Variants in TTLL5 observed in about 807,000 individuals in gnomAD.
The protein encoded by TTLL5 is tubulin tyrosine ligase like 5.
TTLL5 carries 132 observed loss-of-function variants against 168.4 expected under a neutral mutation model. The ratio of observed to expected loss-of-function variants is 0.78; its 90% CI spans 0.68 to 0.91. The LOEUF (loss-of-function observed/expected upper bound fraction) is 0.91, where lower values mean the gene tolerates loss of function less well. TTLL5 is among the 40% of genes least tolerant of loss of function. The pLI is 0.00. For missense variants in TTLL5, 1,545 were observed against 1,581.5 expected (o/e 0.98, Z 0.39); for synonymous variants, 546 against 558.6 (o/e 0.98, Z 0.32).
intron 31 of TTLL5, among the ~76,000 whole-genome samples, chr14:75,917,552 G>C (rs1367482227): frequency 6.6e-6 from 1 of 152,168 alleles, no homozygotes; most frequent in East Asian, 1.9e-4. Flanking sequence ...GGCAGTAGGG[G>C]GGCATGTGTA....
At chr14:75,816,040 G>GTC (rs558310957) in intron 27 of TTLL5, among the ~76,000 whole-genome samples, 197 of 152,362 alleles carry the variant, frequency 1.3e-3, no homozygotes, top group African/African-American at 4.3e-3. Context: ...CCACTTACAG[G>GTC]TGTGTGACTG....
intron 31 of TTLL5, among the ~76,000 whole-genome samples, chr14:75,946,871 G>A (rs12587084): frequency 0.091 from 13,854 of 152,296 alleles, 709 homozygotes; most frequent in Middle Eastern, 0.22. Flanking sequence ...GGCAGATATG[G>A]ATGGAAGGGA....
chr14:75,780,715 T>A (rs1210532307), intron 24 of TTLL5, among the ~76,000 whole-genome samples: 1 of 152,198 alleles, frequency 6.6e-6, no homozygotes. Context: ...ACAGTGTTAA[T>A]CTTTTAAAAA....
chr14:75,707,756 G>A, intron 9 of TTLL5, 49 bp downstream of exon 9: 1 of 1,448,010 alleles, frequency 6.9e-7, no homozygotes, highest in South Asian at 1.2e-5. Flanking sequence ...TATTAAGGGT[G>A]GGTATATTAA....
intron 15 of TTLL5, chr14:75,737,735 A>C: frequency 1.1e-6 from 1 of 950,194 alleles, no homozygotes; most frequent in Non-Finnish European, 1.5e-6. Flanking sequence ...TTTAATAACA[A>C]AGTGAATGAA....
intron 31 of TTLL5, among the ~76,000 whole-genome samples, chr14:75,902,940 G>A (rs2032988887): frequency 6.6e-6 from 1 of 152,180 alleles, no homozygotes; most frequent in African/African-American, 2.4e-5. Flanking sequence ...CTTTAAAGGA[G>A]ATAGAAAAGT....
intron 30 of TTLL5, among the ~76,000 whole-genome samples, chr14:75,901,725 C>G (rs1039605970): frequency 1.3e-5 from 2 of 152,202 alleles, no homozygotes; most frequent in African/African-American, 4.8e-5. Flanking sequence ...TTGAAAACCA[C>G]TCTTCCACAT....
intron 30 of TTLL5, among the ~76,000 whole-genome samples, chr14:75,885,585 T>C (rs2032073582): frequency 6.6e-6 from 1 of 152,258 alleles, no homozygotes; most frequent in African/African-American, 2.4e-5. Context: ...GAAACTGTCA[T>C]TGGCACATTA....
At chr14:75,791,774 A>C (rs1892743249) in intron 26 of TTLL5, among the ~76,000 whole-genome samples, 1 of 152,240 alleles carries the variant, frequency 6.6e-6, no homozygotes, top group South Asian at 2.1e-4. Context: ...TCAGTTGTAT[A>C]TGCAGAATGA....
At chr14:75,772,971 A>G (rs1277619099) in intron 21 of TTLL5, among the ~76,000 whole-genome samples, 1 of 152,026 alleles carries the variant, frequency 6.6e-6, no homozygotes, top group Non-Finnish European at 1.5e-5. Flanking sequence ...CTGGCCCCAT[A>G]TTCTTTTTAA....
intron 31 of TTLL5, among the ~76,000 whole-genome samples, chr14:75,923,700 G>A (rs886667482): frequency 3.9e-5 from 6 of 152,228 alleles, no homozygotes; most frequent in African/African-American, 1.4e-4. Flanking sequence ...ATATGGGATG[G>A]AGAGTACTAT....
Position 75,882,703 on chromosome 14 carries a change from A to G in TTLL5, c.3541A>G (p.Thr1181Ala), listed in dbSNP as rs749536447. 2.5e-6 allele frequency: 4 copies of G among 1,611,042 alleles called. No individual in the cohort carries two copies. Among genetic ancestry groups the G allele is most frequent in the Non-Finnish European group, 3.4e-6 (4 of 1,178,540 alleles). ...ARHQAIFGSQ[T>A]LPNSNLWTMN... Reference sequence around the variant, plus strand: ...TTTGTAGGCAATCTTTGGCAGCCAGACACTACCTAACTCCAATTTATGGAC... The same window carrying G: ...TTTGTAGGCAATCTTTGGCAGCCAGGCACTACCTAACTCCAATTTATGGAC... Residue 1181 changes from threonine to alanine, a missense_variant, in exon 30 of 32, where the codon ACA (threonine) becomes GCA (alanine). Thr to Ala is a moderately conservative substitution (Grantham distance 58). Coordinates refer to ENST00000298832, the MANE Select transcript of TTLL5 (RefSeq NM_015072.5).
intron 17 of TTLL5, among the ~76,000 whole-genome samples, chr14:75,749,497 G>A (rs968672829): frequency 6.6e-6 from 1 of 152,152 alleles, no homozygotes; most frequent in African/African-American, 2.4e-5. Flanking sequence ...TTCAGAATTG[G>A]ACGGACTTAT....
chr14:75,788,348 C>G lies in TTLL5; in HGVS notation c.2987-4568C>G, dbSNP rs544183613. Among the ~76,000 whole-genome samples the G allele has an allele frequency of 3.2e-3, 490 of 151,540 alleles. 7 individuals are homozygous for G. The highest frequency in any genetic ancestry group is 0.011 in the African/African-American group (472 of 41,332). On this transcript the variant is annotated intron_variant, in intron 26 of 31. Coordinates refer to ENST00000298832, the MANE Select transcript of TTLL5 (RefSeq NM_015072.5). ...AGCCAAAAGTGATTTTTTGAAAAGC[C>G]TAATAAAATGGACAAACCTCTGATG...
At chr14:75,863,933 AAG>A in intron 29 of TTLL5, 71 bp downstream of exon 29, 2 of 1,268,266 alleles carry the variant, frequency 1.6e-6, no homozygotes, top group Non-Finnish European at 2.1e-6. Context: ...AAAAAAAAAA[AAG>A]GTCAGTGAAT....
At chr14:75,672,486 A>C (rs1594845943) in intron 3 of TTLL5, among the ~76,000 whole-genome samples, 1 of 150,816 alleles carries the variant, frequency 6.6e-6, no homozygotes, top group Non-Finnish European at 1.5e-5. Context: ...CTCATGATCC[A>C]CCCGCCTCGG....
chr14:75,813,270 TTGTGTGTGTGTG>T (rs58821426), intron 27 of TTLL5, among the ~76,000 whole-genome samples: 77,418 of 130,560 alleles, frequency 0.59, 23,617 homozygotes, highest in Non-Finnish European at 0.7. Flanking sequence ...GTGTGTGTGT[TTGTGTGTGTGTG>T]TGTGTGTGTG....
chr14:75,813,908 C>T (rs1261122732), intron 27 of TTLL5, among the ~76,000 whole-genome samples: 2 of 151,314 alleles, frequency 1.3e-5, no homozygotes, highest in Non-Finnish European at 2.9e-5. Flanking sequence ...AACATGAATT[C>T]GTAGGTTGGC....
At chr14:75,937,184 T>G (rs1387300263) in intron 31 of TTLL5, among the ~76,000 whole-genome samples, 1 of 151,902 alleles carries the variant, frequency 6.6e-6, no homozygotes, top group Non-Finnish European at 1.5e-5. Context: ...TGGCACGATC[T>G]CAGCTCACTG....
Sources: allele counts gnomAD v4.1 joint callset (sites outside exome capture counted in the v4.1 genomes callset), GRCh38; gene constraint gnomAD v4.1.1; transcripts MANE v1.5; gene names NCBI Gene and HGNC (gene_info 2026-07-23, HGNC 2026-07-21).